The following ARHGAP1 variants were observed in gnomAD, a reference collection of about 807,000 sequenced individuals.
ARHGAP1 encodes the protein rho GTPase-activating protein 1.
A neutral mutation model predicts 52.2 loss-of-function variants in ARHGAP1; 23 were observed. The observed-to-expected ratio is 0.44, with a 90% confidence interval of 0.32 to 0.62. The LOEUF is 0.62. Ranked by LOEUF, ARHGAP1 falls within the 20% of genes least tolerant of loss-of-function variation. The probability of loss-of-function intolerance (pLI) is 0.05; values close to 1 mark genes in which losing one functional copy is unlikely to be tolerated. For missense variants in ARHGAP1, 480 were observed against 560.9 expected, an observed-to-expected ratio of 0.86 and a Z score of 1.46; for synonymous variants, 210 against 228.4, an observed-to-expected ratio of 0.92 and a Z score of 0.73.
chr11:46,693,990 G>C (rs577588090), intron 3 of ARHGAP1, among the ~76,000 whole-genome samples: 4 of 152,128 alleles, frequency 2.6e-5, no homozygotes, highest in Non-Finnish European at 5.9e-5. Context: ...AACTATTCCC[G>C]GCAGGGAGAG....
chr11:46,687,963 A>G (rs575368641), intron 4 of ARHGAP1: 2 of 542,264 alleles, frequency 3.7e-6, no homozygotes, highest in East Asian at 3.0e-5. Context: ...ATGCTTACCA[A>G]GGTCACCCAG....
chr11:46,685,205 G>A (rs867487903), intron 4 of ARHGAP1, among the ~76,000 whole-genome samples: 4 of 150,934 alleles, frequency 2.7e-5, no homozygotes, highest in Middle Eastern at 3.5e-3. Flanking sequence ...GGTGGTGGGT[G>A]TGTGGGAGAC....
At chr11:46,699,066 G>A (rs2064678699) in intron 1 of ARHGAP1, among the ~76,000 whole-genome samples, 2 of 152,198 alleles carry the variant, frequency 1.3e-5, no homozygotes, top group South Asian at 4.1e-4. Flanking sequence ...AAATCTTAAG[G>A]ATCACCTTAG....
In ARHGAP1 at chr11:46,681,437, G is replaced by C; in HGVS notation, c.450-58C>G. The C allele has an allele frequency of 1.5e-6, 2 of 1,294,506 alleles. No individual in the cohort carries two copies. Among genetic ancestry groups the C allele is most frequent in the South Asian group, 1.2e-5 (1 of 83,348 alleles). 80.2% of individuals were successfully genotyped at this position (1,294,506 alleles called of 1,614,324 possible). On this transcript the variant is annotated intron_variant, in intron 5 of 12. Transcript: ENST00000311956. The surrounding 1 kb of genome is among the most constrained non-coding windows in gnomAD (Gnocchi z 5.7). ...GCGTGGTGGGACAGGTGCCACGCTA[G>C]GGTCCCAGTGCATACTTTTTTTTTT...
Position 46,679,477 on chromosome 11 carries a change from A to G in ARHGAP1, c.1028-9T>C. 1 of 1,613,392 alleles carries G rather than the reference A, an allele frequency of 6.2e-7. No individual in the cohort carries two copies. The highest frequency in any genetic ancestry group is 8.5e-7 in the Non-Finnish European group (1 of 1,179,474). ...CTGGCTTTCATCAATGTCTATGAGG[A>G]AAGGAGGCCCGGGTTATAGGGGCCC... On this transcript the variant is annotated splice_polypyrimidine_tract_variant and intron_variant, in intron 11 of 12. Transcript: ENST00000311956. The surrounding 1 kb of genome is among the most constrained non-coding windows in gnomAD (Gnocchi z 4.4).
Position 46,679,971 on chromosome 11 carries a change from G to T in ARHGAP1, c.899-195C>A. On this transcript the variant is annotated intron_variant, in intron 10 of 12. Coordinates refer to ENST00000311956, the MANE Select transcript of ARHGAP1 (RefSeq NM_004308.5). This position sits in a 1 kb window ranked among gnomAD's most constrained non-coding sequence, Gnocchi z 4.4. ...GGTTCCGGCCATCTGGGGAAGTGGG[G>T]CCCGGCACACCCCACCGTTATTCCT... 1 of 1,066,844 alleles carries T rather than the reference G, an allele frequency of 9.4e-7. No individual in the cohort carries two copies. The highest frequency in any genetic ancestry group is 1.3e-6 in the Non-Finnish European group (1 of 755,460). 66.1% of individuals were successfully genotyped at this position (1,066,844 alleles called of 1,614,324 possible).
rs374346888 is a variant in ARHGAP1, at chr11:46,681,625, G to C, written c.450-246C>G. The C allele has an allele frequency of 6.8e-6, 3 of 444,218 alleles. No homozygotes were observed. Among genetic ancestry groups the C allele is most frequent in the Non-Finnish European group, 8.3e-6 (2 of 241,568 alleles). The allele number at this position is 444,218 out of a possible 1,614,324, so 27.5% of individuals were successfully genotyped here. On this transcript the variant is annotated intron_variant, in intron 5 of 12. Transcript: ENST00000311956. The surrounding 1 kb of genome is among the most constrained non-coding windows in gnomAD (Gnocchi z 5.7). ...ATTTTTGTATTTTTAGCGGAGACAG[G>C]GTTTCACCATGTTGGCCAGGCTGGT...
rs1298051877 is a variant in ARHGAP1, at chr11:46,678,895, C to T, written c.*142G>A. 8 of 959,790 alleles carry T rather than the reference C, an allele frequency of 8.3e-6. No individual in the cohort carries two copies. Among genetic ancestry groups the T allele is most frequent in the African/African-American group, 5.0e-5 (3 of 60,362 alleles). The allele number at this position is 959,790 out of a possible 1,614,324, so 59.5% of individuals were successfully genotyped here. On this transcript the variant is annotated 3_prime_UTR_variant, in exon 13 of 13. Coordinates refer to ENST00000311956, the MANE Select transcript of ARHGAP1 (RefSeq NM_004308.5). ...CAGCGAGGCCGCCAGGGCCGTGAGG[C>T]GGGCTGGACAGAGGTGGGGGAGAGC...
At position 46,679,669 on chromosome 11, in the gene ARHGAP1, G is replaced by T; in HGVS notation, c.1006C>A (p.Pro336Thr). Reference sequence around the variant, plus strand: ...TCACTGAGGAAGCCCACCACATGGGGGTAGAGGTCAAAGGTGAGCAGGGGC... The same window carrying T: ...TCACTGAGGAAGCCCACCACATGGGTGTAGAGGTCAAAGGTGAGCAGGGGC... ...PEPLLTFDLYPHVVGFLNIDE... is the reference protein window; with the variant it reads ...PEPLLTFDLYTHVVGFLNIDE... Residue 336 changes from proline (P) to threonine (T), a missense_variant, in exon 11 of 13, where the codon CCC becomes ACC. Physicochemically the swap from Pro to Thr is conservative, Grantham distance 38 (BLOSUM62 -1). Coordinates refer to ENST00000311956, the MANE Select transcript of ARHGAP1 (RefSeq NM_004308.5). This position sits in a 1 kb window ranked among gnomAD's most constrained non-coding sequence, Gnocchi z 4.4. The T allele has an allele frequency of 6.2e-7, 1 of 1,614,096 alleles. No homozygotes were observed. Among genetic ancestry groups the T allele is most frequent in the Non-Finnish European group, 8.5e-7 (1 of 1,179,996 alleles).
Position 46,679,833 on chromosome 11 carries a change from T to G in ARHGAP1, c.899-57A>C, listed in dbSNP as rs1354450984. On this transcript the variant is annotated intron_variant, in intron 10 of 12. Coordinates refer to ENST00000311956, the MANE Select transcript of ARHGAP1 (RefSeq NM_004308.5). This position sits in a 1 kb window ranked among gnomAD's most constrained non-coding sequence, Gnocchi z 4.4. Reference sequence around the variant, plus strand: ...CACAGCCTGAAGGGCAGCACCCATCTGCAGACAACGCGGGCCGCACTGCCT... The same window carrying G: ...CACAGCCTGAAGGGCAGCACCCATCGGCAGACAACGCGGGCCGCACTGCCT... The G allele has an allele frequency of 1.9e-6, 3 of 1,607,060 alleles. No homozygotes were observed. In the African/African-American group the frequency reaches 4.0e-5, roughly 21 times the overall value.
rs754102804 is a variant in ARHGAP1, at chr11:46,680,231, C to T, written c.872G>A (p.Arg291Gln). The T allele has an allele frequency of 9.9e-6, 16 of 1,613,990 alleles. No homozygotes were observed. The highest frequency in any genetic ancestry group is 1.6e-4 in the Middle Eastern group (1 of 6,084). ...CATGTTGTACTTCTGCTGCACTTCC[C>T]GGACCACTTGGGTGTTGGCCGACCT... ...FRRSANTQVV[R>Q]EVQQKYNMGL... The change falls in exon 10 of 13, where the codon CGG becomes CAG. Residue 291 changes from arginine to glutamine, a missense_variant. Transcript: ENST00000311956. The surrounding 1 kb of genome is among the most constrained non-coding windows in gnomAD (Gnocchi z 5.9).
At chr11:46,685,560 C>CAA (rs2064562471) in intron 4 of ARHGAP1, among the ~76,000 whole-genome samples, 1 of 151,834 alleles carries the variant, frequency 6.6e-6, no homozygotes, top group South Asian at 2.1e-4. Flanking sequence ...CTCCTGACCT[C>CAA]GTGATCCACC....
In ARHGAP1 at chr11:46,680,167, A is replaced by C; in HGVS notation, c.898+38T>G. Reference sequence around the variant, plus strand: ...AGGGCAGAGAAGCCCCCTACCAGTAACACACATATGGCCCTGCAACAGCCC... The same window carrying C: ...AGGGCAGAGAAGCCCCCTACCAGTACCACACATATGGCCCTGCAACAGCCC... On this transcript the variant is annotated intron_variant, in intron 10 of 12. Transcript: ENST00000311956. This position sits in a 1 kb window ranked among gnomAD's most constrained non-coding sequence, Gnocchi z 5.9. The C allele has an allele frequency of 1.2e-6, 2 of 1,600,994 alleles. No individual in the cohort carries two copies. The highest frequency in any genetic ancestry group is 1.7e-6 in the Non-Finnish European group (2 of 1,168,334).
Position 46,681,446 on chromosome 11 carries a change from T to C in ARHGAP1, c.450-67A>G, listed in dbSNP as rs2064527479. ...GACAGGTGCCACGCTAGGGTCCCAG[T>C]GCATACTTTTTTTTTTTGAGACAGA... On this transcript the variant is annotated intron_variant, in intron 5 of 12. Transcript: ENST00000311956. The surrounding 1 kb of genome is among the most constrained non-coding windows in gnomAD (Gnocchi z 5.7). 1.2e-5 allele frequency: 15 copies of C among 1,227,138 alleles called. No homozygotes were observed. The highest frequency in any genetic ancestry group is 1.8e-5 in the Non-Finnish European group (15 of 837,420). The allele number at this position is 1,227,138 out of a possible 1,614,324, so 76.0% of individuals were successfully genotyped here.
rs1416203460 is a variant in ARHGAP1, at chr11:46,696,777, G to A, written c.-49-621C>T. ...CCAGCTACTCAGGAAGCTGAGGCAG[G>A]AGAATCACTTGAACCCAGGAGGCGG... On this transcript the variant is annotated intron_variant, in intron 1 of 12. Coordinates refer to ENST00000311956, the MANE Select transcript of ARHGAP1 (RefSeq NM_004308.5). This position sits in a 1 kb window ranked among gnomAD's most constrained non-coding sequence, Gnocchi z 4.8. Among the ~76,000 whole-genome samples the A allele has an allele frequency of 6.6e-6, 1 of 152,208 alleles. No individual in the cohort carries two copies. Among genetic ancestry groups the A allele is most frequent in the African/African-American group, 2.4e-5 (1 of 41,456 alleles).
At chr11:46,683,292 C>G (rs2064542541) in intron 4 of ARHGAP1, among the ~76,000 whole-genome samples, 1 of 151,942 alleles carries the variant, frequency 6.6e-6, no homozygotes, top group Admixed American at 6.6e-5. Context: ...ATCCTCCCAC[C>G]TCAGCCTCCC....
Position 46,680,716 on chromosome 11 carries a change from T to G in ARHGAP1, c.667A>C (p.Ser223Arg). ...YDDFLKSTQK[S>R]PATAPKPMPP... ...ATGGGCTTGGGGGCTGTCGCGGGGC[T>G]CTTCTGTGTGGATTTCAGGAAGTCG... The change falls in exon 8 of 13, where the codon AGC (serine) becomes CGC (arginine). Residue 223 changes from serine (S) to arginine (R), a missense_variant. Coordinates refer to ENST00000311956, the MANE Select transcript of ARHGAP1 (RefSeq NM_004308.5). This position sits in a 1 kb window ranked among gnomAD's most constrained non-coding sequence, Gnocchi z 5.9. The G allele has an allele frequency of 6.4e-7, 1 of 1,568,754 alleles. No homozygotes were observed. Among genetic ancestry groups the G allele is most frequent in the Non-Finnish European group, 8.6e-7 (1 of 1,158,196 alleles).
At chr11:46,693,722 G>A (rs1296020739) in intron 3 of ARHGAP1, among the ~76,000 whole-genome samples, 1 of 152,138 alleles carries the variant, frequency 6.6e-6, no homozygotes, top group South Asian at 2.1e-4. Flanking sequence ...CGGACCAGCA[G>A]GCCTGGGACC....
intron 4 of ARHGAP1, 53 bp from the exon 5 acceptor site, chr11:46,682,235 C>CG: frequency 6.2e-7 from 1 of 1,601,016 alleles, no homozygotes; most frequent in Non-Finnish European, 8.5e-7. Context: ...GGCGGCCCCA[C>CG]GAAGACAGAA....
Sources: gnomAD v4.1 joint callset for allele counts (sites outside exome capture counted in the v4.1 genomes callset) on GRCh38, gnomAD v4.1.1 for gene constraint, Gnocchi (gnomAD v3.1) non-coding constraint, MANE v1.5 for transcripts, NCBI Gene and HGNC (gene_info 2026-07-23, HGNC 2026-07-21) for gene names.